The following ANKRD34B variants were observed in gnomAD, a reference collection of about 807,000 sequenced individuals.
ANKRD34B encodes the protein ankyrin repeat domain 34B.
Under a neutral mutation model 4.4 loss-of-function variants are expected in ANKRD34B, and 2 were observed. The observed-to-expected ratio is 0.46, with a 90% CI of 0.19 to 1.44. The LOEUF is 1.44. Among genes scored for constraint, ANKRD34B ranks in the 40% most tolerant of loss-of-function variants. The pLI is 0.26. For synonymous variants in ANKRD34B, 226 were observed against 227.1 expected (o/e 0.99, Z 0.05); for missense variants, 558 against 604.7 (o/e 0.92, Z 0.81).
At position 80,559,486 on chromosome 5, in the gene ANKRD34B, A is replaced by G. The variant is rs1466341833; in HGVS notation, c.534T>C (p.His178=). Residue 178 remains histidine, a synonymous_variant, in exon 5 of 5, where the codon CAT becomes CAC. Transcript: ENST00000338682. Reference sequence around the variant, plus strand: ...AAGGAGTGGTGCAGGTAGCTGGGGAATGACACCCATCTATATCCACAGGAG... The same window carrying G: ...AAGGAGTGGTGCAGGTAGCTGGGGAGTGACACCCATCTATATCCACAGGAG... ...NMPPVDIDGC[H]SPATCTTPSE... is the part of the protein sequence containing the mutation. 1 of 1,614,198 alleles carries G rather than the reference A, an allele frequency of 6.2e-7. No homozygotes were observed. The highest frequency in any genetic ancestry group is 2.2e-5 in the East Asian group (1 of 44,886).
At chr5:80,569,452 C>T (rs1186467131) in intron 1 of ANKRD34B, among the ~76,000 whole-genome samples, 2 of 152,162 alleles carry the variant, frequency 1.3e-5, no homozygotes, top group Non-Finnish European at 2.9e-5. Context: ...CGGGAACCGG[C>T]TGCCCGCCCC....
At chr5:80,569,850 G>A (rs1358483149) in intron 1 of ANKRD34B, among the ~76,000 whole-genome samples, 1 of 152,224 alleles carries the variant, frequency 6.6e-6, no homozygotes, top group African/African-American at 2.4e-5. Flanking sequence ...GGGAAAGGCA[G>A]GAGGCGCGAG....
At chr5:80,562,279 T>C (rs1746426201) in intron 4 of ANKRD34B, among the ~76,000 whole-genome samples, 1 of 152,116 alleles carries the variant, frequency 6.6e-6, no homozygotes, top group Non-Finnish European at 1.5e-5. Flanking sequence ...GCCTATATTT[T>C]AACAAGATCC....
At chr5:80,565,401 C>T (rs577957310) in intron 3 of ANKRD34B, among the ~76,000 whole-genome samples, 160 of 152,328 alleles carry the variant, frequency 1.1e-3, no homozygotes, top group African/African-American at 3.7e-3. Flanking sequence ...AGACTATAAG[C>T]AATCCCCAAA....
intron 3 of ANKRD34B, chr5:80,564,383 C>G (rs572478038): frequency 6.6e-6 from 1 of 152,374 alleles, no homozygotes; most frequent in African/African-American, 2.4e-5. Context: ...TGAGCACTTA[C>G]TGTCACAGCT....
intron 4 of ANKRD34B, among the ~76,000 whole-genome samples, chr5:80,561,111 T>G (rs1746393458): frequency 6.6e-6 from 1 of 152,214 alleles, no homozygotes; most frequent in Non-Finnish European, 1.5e-5. Context: ...CCAGACTTTG[T>G]AAACATTTTA....
chr5:80,559,798 A>AT lies in ANKRD34B; in HGVS notation c.221dup (p.Asn74LysfsTer26), dbSNP rs750012958. 2.1e-5 allele frequency: 34 copies of AT among 1,614,074 alleles called. No individual in the cohort carries two copies. In the South Asian group the frequency reaches 3.1e-4, roughly 15 times the overall value. ...ATTTGTCCTGTATGTTGGGATCGGC[A>AT]TTGTTCTCTAACAGGTATTTCACCA... On this transcript the variant is annotated frameshift_variant, in exon 5 of 5. Transcript: ENST00000338682. LOFTEE classifies it low-confidence loss of function (END_TRUNC).
chr5:80,559,879 T>A lies in ANKRD34B; in HGVS notation c.141A>T (p.Leu47Phe), dbSNP rs1458509152. 1 of 1,614,128 alleles carries A rather than the reference T, an allele frequency of 6.2e-7. No individual in the cohort carries two copies. The highest frequency in any genetic ancestry group is 1.3e-5 in the African/African-American group (1 of 74,938). The change falls in exon 5 of 5, where the codon TTA becomes TTT. Residue 47 changes from leucine (L) to phenylalanine (F), a missense_variant. Physicochemically the swap from Leu to Phe is conservative, Grantham distance 22. Coordinates refer to ENST00000338682, the MANE Select transcript of ANKRD34B (RefSeq NM_001004441.3). ...NESNDRGETP[L>F]MIACKTKHVD... ...CATGTTTGGTCTTACAAGCGATCAT[T>A]AAAGGGGTTTCCCCACGGTCGTTGC...
chr5:80,566,538 G>A (rs1293355330), intron 3 of ANKRD34B, among the ~76,000 whole-genome samples, 151 bp downstream of exon 3: 1 of 152,148 alleles, frequency 6.6e-6, no homozygotes, highest in Non-Finnish European at 1.5e-5. Flanking sequence ...CCTGCTACGA[G>A]GGGACTGGAA....
rs779392112 is a variant in ANKRD34B, at chr5:80,558,948, T to C, written c.1072A>G (p.Ile358Val). Residue 358 changes from isoleucine (I) to valine (V), a missense_variant, in exon 5 of 5, where the codon ATA becomes GTA. Coordinates refer to ENST00000338682, the MANE Select transcript of ANKRD34B (RefSeq NM_001004441.3). ...QTIFASTLRS[I>V]VQKRNLGANH... The stretch of plus-strand genomic sequence containing the variant: ...GCCCCCAAGTTTCTTTTTTGAACTA[T>C]ACTTCTTAAGGTGGAAGCAAATATT... The C allele has an allele frequency of 3.7e-6, 6 of 1,614,088 alleles. No individual in the cohort carries two copies. The African/African-American group carries it at 8.0e-5, about 22-fold the overall frequency.
At chr5:80,560,071 A>G in intron 4 of ANKRD34B, 29 bp from the exon 5 acceptor site, 1 of 1,324,252 alleles carries the variant, frequency 7.6e-7, no homozygotes, top group Non-Finnish European at 1.0e-6. Context: ...AAAGACCAAA[A>G]GATTAGCCAG....
chr5:80,558,841 C>T lies in ANKRD34B; in HGVS notation c.1179G>A (p.Lys393=). 6.2e-7 allele frequency: 1 copy of T among 1,613,910 alleles called. No homozygotes were observed. The highest frequency in any genetic ancestry group is 8.5e-7 in the Non-Finnish European group (1 of 1,179,972). The change falls in exon 5 of 5, where the codon AAG becomes AAA. Residue 393 remains lysine, a synonymous_variant. Coordinates refer to ENST00000338682, the MANE Select transcript of ANKRD34B (RefSeq NM_001004441.3). ...AAGGAGATGGTGAGAGGATCTTTTT[C>T]TTTCCTATAAGTGCTTTGCCGTCTT... is the stretch of plus-strand genomic sequence containing the variant. The part of the protein sequence containing the change: ...TSEDGKALIG[K]KKILSPSPSQ...
rs1746329770 is a variant in ANKRD34B at position 80,558,879 on chromosome 5, G to A, written c.1141C>T (p.Pro381Ser). ...GCTTTGCCGTCTTCTGAAGTTGGAGGGGTAAGGCCAGCTGAGAGCTGGGAA... is the reference window on the plus strand; with the variant it reads ...GCTTTGCCGTCTTCTGAAGTTGGAGAGGTAAGGCCAGCTGAGAGCTGGGAA... ...SDSQLSAGLT[P>S]PTSEDGKALI... The change falls in exon 5 of 5, where the codon CCT becomes TCT. Residue 381 changes from proline (P) to serine (S), a missense_variant. Pro to Ser is a moderately conservative substitution (Grantham distance 74, BLOSUM62 -1). Coordinates refer to ENST00000338682, the MANE Select transcript of ANKRD34B (RefSeq NM_001004441.3). 3 of 1,613,950 alleles carry A rather than the reference G, an allele frequency of 1.9e-6. No homozygotes were observed. In the African/African-American group the frequency reaches 4.0e-5, roughly 22 times the overall value.
chr5:80,557,602 A>G lies in ANKRD34B; in HGVS notation c.*873T>C, dbSNP rs1746280749. The G allele has an allele frequency of 6.6e-6, 1 of 151,976 alleles. No individual in the cohort carries two copies. Among genetic ancestry groups the G allele is most frequent in the Non-Finnish European group, 1.5e-5 (1 of 67,974 alleles). The allele number at this position is 151,976 out of a possible 1,614,324, so 9.4% of individuals were successfully genotyped here. On this transcript the variant is annotated 3_prime_UTR_variant, in exon 5 of 5. Coordinates refer to ENST00000338682, the MANE Select transcript of ANKRD34B (RefSeq NM_001004441.3). Reference sequence around the variant, plus strand: ...GAATAATTTGATATAAGTAAAGAGGAATGCTTTTTAACTTTTATATCATCT... The same window carrying G: ...GAATAATTTGATATAAGTAAAGAGGGATGCTTTTTAACTTTTATATCATCT...
At chr5:80,562,927 T>G (rs1254752474) in intron 4 of ANKRD34B, among the ~76,000 whole-genome samples, 2 of 150,286 alleles carry the variant, frequency 1.3e-5, no homozygotes, top group African/African-American at 4.9e-5. Context: ...AAATGCCTCT[T>G]ACATTAAAGA....
chr5:80,564,648 G>C (rs976139127), intron 3 of ANKRD34B, among the ~76,000 whole-genome samples: 2 of 150,534 alleles, frequency 1.3e-5, no homozygotes, highest in East Asian at 3.9e-4. Context: ...AGCCCCATGA[G>C]GTTGACTTTT....
At position 80,558,374 on chromosome 5, in the gene ANKRD34B, C is replaced by T. The variant is rs139110595; in HGVS notation, c.*101G>A. ...AATCCATCTAGCCATTATGGACTAA[C>T]CAATCACGAGATTTAAAAGAATGAA... is the stretch of plus-strand genomic sequence containing the variant. On this transcript the variant is annotated 3_prime_UTR_variant, in exon 5 of 5. Coordinates refer to ENST00000338682, the MANE Select transcript of ANKRD34B (RefSeq NM_001004441.3). The T allele has an allele frequency of 1.1e-3, 1,040 of 953,036 alleles. 6 individuals are homozygous for T. The African/African-American group carries it at 0.014, about 13-fold the overall frequency. The allele number at this position is 953,036 out of a possible 1,614,324, so 59.0% of individuals were successfully genotyped here. A position where few individuals can be genotyped will look rare whatever the true frequency, so the allele number is the denominator to read the frequency against.
intron 3 of ANKRD34B, 59 bp from the exon 4 acceptor site, chr5:80,563,874 A>G (rs555221661): frequency 2.0e-5 from 3 of 152,238 alleles, no homozygotes; most frequent in African/African-American, 2.4e-5. Flanking sequence ...AGCATTTTTC[A>G]TATATAAATG....
rs1215358722 is a variant in ANKRD34B, at chr5:80,557,556, T to C, written c.*919A>G. The C allele has an allele frequency of 6.6e-6, 1 of 152,060 alleles. No homozygotes were observed. The highest frequency in any genetic ancestry group is 1.5e-5 in the Non-Finnish European group (1 of 67,984). The allele number at this position is 152,060 out of a possible 1,614,324, so 9.4% of individuals were successfully genotyped here. ...TTTATCCATGATGAATTTTTTTTTT[T>C]TGGTTCTTTTTGAAAGACAAGAATA... On this transcript the variant is annotated 3_prime_UTR_variant, in exon 5 of 5. Coordinates refer to ENST00000338682, the MANE Select transcript of ANKRD34B (RefSeq NM_001004441.3).
Sources: allele counts gnomAD v4.1 joint callset (sites outside exome capture counted in the v4.1 genomes callset), GRCh38; gene constraint gnomAD v4.1.1; transcripts MANE v1.5; gene names NCBI Gene and HGNC (gene_info 2026-07-23, HGNC 2026-07-21).